ATF6: variants seen among roughly 807,000 people sequenced by gnomAD.
ATF6 encodes activating transcription factor 6, also known as cyclic AMP-dependent transcription factor ATF-6 alpha.
A neutral mutation model predicts 83.6 loss-of-function variants in ATF6; 53 were observed. The observed-to-expected ratio is 0.63, with a 90% confidence interval of 0.51 to 0.80. The LOEUF is 0.80. ATF6 is among the 30% of genes least tolerant of loss of function. ATF6 has a pLI of 0.00. For missense variants in ATF6, 744 were observed against 797.9 expected, an observed-to-expected ratio of 0.93 and a Z score of 0.81; for synonymous variants, 288 against 285.8, an observed-to-expected ratio of 1.01 and a Z score of -0.08.
rs555868722 is a variant in ATF6 at position 161,777,566 on chromosome 1, T to C, written c.83-678T>C. Among the ~76,000 whole-genome samples, 17 of 152,348 alleles carry C rather than the reference T, an allele frequency of 1.1e-4. No homozygotes were observed. The South Asian group carries it at 3.3e-3, about 30-fold the overall frequency. On this transcript the variant is annotated intron_variant, in intron 1 of 15. Coordinates refer to ENST00000367942, the MANE Select transcript of ATF6 (RefSeq NM_007348.4). Reference sequence around the variant, plus strand: ...GAAAGTGTCAGAGGAAATAGGAACTTCATAGATTCTATGGTGAGGAGCCTT... The same window carrying C: ...GAAAGTGTCAGAGGAAATAGGAACTCCATAGATTCTATGGTGAGGAGCCTT...
intron 15 of ATF6, among the ~76,000 whole-genome samples, chr1:161,923,135 C>A (rs924832488): frequency 1.4e-4 from 22 of 152,264 alleles, no homozygotes; most frequent in Middle Eastern, 3.4e-3. Flanking sequence ...ATAGTCTTTC[C>A]TCCACTGAAC....
chr1:161,827,410 T>A (rs759327528), intron 9 of ATF6, among the ~76,000 whole-genome samples: 3 of 152,154 alleles, frequency 2.0e-5, no homozygotes, highest in Non-Finnish European at 4.4e-5. Context: ...ATGTTTTAAT[T>A]GGAAAATGCA....
chr1:161,886,700 C>T (rs902024015), intron 14 of ATF6, among the ~76,000 whole-genome samples: 1 of 152,158 alleles, frequency 6.6e-6, no homozygotes, highest in Non-Finnish European at 1.5e-5. Context: ...ACAGACACAT[C>T]ATTATGTGGT....
At chr1:161,805,533 G>A (rs545819736) in intron 7 of ATF6, among the ~76,000 whole-genome samples, 12 of 151,732 alleles carry the variant, frequency 7.9e-5, no homozygotes, top group African/African-American at 2.6e-4. Context: ...AAGTAAAGAA[G>A]CATTAGTCTG....
rs35619050 is a variant in ATF6, at chr1:161,829,189, C to CTTTTTTTTTTT, written c.1187+8043_1187+8053dup. Among the ~76,000 whole-genome samples, 306 of 72,586 alleles carry CTTTTTTTTTTT rather than the reference C, an allele frequency of 4.2e-3. 20 individuals carry two copies. Among genetic ancestry groups the CTTTTTTTTTTT allele is most frequent in the East Asian group, 0.027 (47 of 1,754 alleles). 47.6% of individuals were successfully genotyped at this position (72,586 alleles called of 152,430 possible). On this transcript the variant is annotated intron_variant, in intron 9 of 15. Coordinates refer to ENST00000367942, the MANE Select transcript of ATF6 (RefSeq NM_007348.4). ...ACTCCCACACAATCATAATGGGAGA[C>CTTTTTTTTTTT]TTTTTTTTTTTTTTTTTTTTTTTTT...
chr1:161,860,900 A>G (rs1686872670), intron 13 of ATF6, among the ~76,000 whole-genome samples: 1 of 152,140 alleles, frequency 6.6e-6, no homozygotes, highest in African/African-American at 2.4e-5. Flanking sequence ...CTTCAAAGGG[A>G]AATATAATAT....
intron 15 of ATF6, among the ~76,000 whole-genome samples, chr1:161,937,451 C>T (rs1252160207): frequency 6.6e-6 from 1 of 151,680 alleles, no homozygotes; most frequent in African/African-American, 2.4e-5. Context: ...ATATTTGTGT[C>T]CCATTAAAAT....
intron 15 of ATF6, among the ~76,000 whole-genome samples, chr1:161,935,376 G>GGAGA (rs988607039): frequency 4.6e-5 from 7 of 152,142 alleles, no homozygotes; most frequent in African/African-American, 1.7e-4. Flanking sequence ...AATAGGCCCT[G>GGAGA]GAGAGCTTCC....
chr1:161,820,089 A>G (rs1685715447), intron 8 of ATF6, among the ~76,000 whole-genome samples: 1 of 152,160 alleles, frequency 6.6e-6, no homozygotes, highest in Non-Finnish European at 1.5e-5. Context: ...GGCTAAGTGA[A>G]TCACACTGAG....
At chr1:161,851,290 C>T (rs1686622007) in intron 10 of ATF6, among the ~76,000 whole-genome samples, 1 of 151,062 alleles carries the variant, frequency 6.6e-6, no homozygotes, top group South Asian at 2.1e-4. Flanking sequence ...ACCTGTTTTA[C>T]AGATACTATC....
intron 14 of ATF6, among the ~76,000 whole-genome samples, chr1:161,877,565 A>T (rs2101854485): frequency 6.6e-6 from 1 of 152,174 alleles, no homozygotes; most frequent in South Asian, 2.1e-4. Flanking sequence ...GGTTTGGGAG[A>T]TTGGAAGGGG....
At chr1:161,936,600 T>C (rs1174132186) in intron 15 of ATF6, among the ~76,000 whole-genome samples, 1 of 152,238 alleles carries the variant, frequency 6.6e-6, no homozygotes, top group Non-Finnish European at 1.5e-5. Flanking sequence ...TGGAGTTTGC[T>C]CGTTTTCTTC....
At chr1:161,844,360 C>T (rs1349328410) in intron 9 of ATF6, among the ~76,000 whole-genome samples, 1 of 152,116 alleles carries the variant, frequency 6.6e-6, no homozygotes, top group Non-Finnish European at 1.5e-5. Flanking sequence ...TGTCTTTGGA[C>T]ATTAGAAGAA....
chr1:161,826,436 A>G (rs918515167), intron 9 of ATF6, among the ~76,000 whole-genome samples: 4 of 152,202 alleles, frequency 2.6e-5, no homozygotes, highest in Admixed American at 2.0e-4. Flanking sequence ...TCCCTATTTT[A>G]TCAAGAAGTG....
chr1:161,850,851 G>A (rs1220225271), intron 10 of ATF6, among the ~76,000 whole-genome samples: 1 of 152,134 alleles, frequency 6.6e-6, no homozygotes, highest in Non-Finnish European at 1.5e-5. Flanking sequence ...GATTAAGATT[G>A]CAGACTGAAG....
At chr1:161,924,201 A>T (rs976373609) in intron 15 of ATF6, among the ~76,000 whole-genome samples, 1 of 152,172 alleles carries the variant, frequency 6.6e-6, no homozygotes, top group Non-Finnish European at 1.5e-5. Flanking sequence ...ATTGGGGATC[A>T]TAACTTTCTG....
In ATF6 at chr1:161,816,920, A is replaced by G. The variant is rs187655462; in HGVS notation, c.910-2713A>G. Among the ~76,000 whole-genome samples, 67 of 152,336 alleles carry G rather than the reference A, an allele frequency of 4.4e-4. No individual in the cohort carries two copies. The South Asian group carries it at 5.8e-3, about 13-fold the overall frequency. ...ATATTTTATATTCAGATAGCTAAAG[A>G]TGGCTTGCTGAGATAAAACATTGGA... On this transcript the variant is annotated intron_variant, in intron 7 of 15. Coordinates refer to ENST00000367942, the MANE Select transcript of ATF6 (RefSeq NM_007348.4).
intron 7 of ATF6, among the ~76,000 whole-genome samples, chr1:161,814,867 GT>G (rs1685573988): frequency 6.6e-6 from 1 of 152,120 alleles, no homozygotes; most frequent in Non-Finnish European, 1.5e-5. Context: ...AACTATGTGT[GT>G]TTTTTAAGAA....
rs2101924937 is a variant in ATF6, at chr1:161,958,474, A to G, written c.1833A>G (p.Glu611=). 3 of 1,611,528 alleles carry G rather than the reference A, an allele frequency of 1.9e-6. No individual in the cohort carries two copies. The highest frequency in any genetic ancestry group is 2.5e-6 in the Non-Finnish European group (3 of 1,178,584). The stretch of plus-strand genomic sequence containing the variant: ...ATGTGATCAATGGGCAGGACTACGA[A>G]GTGATGATGCAGATTGACTGTCAGG... ...NENVINGQDY[E]VMMQIDCQVM... Residue 611 remains glutamate (E), a synonymous_variant, in exon 16 of 16, where the codon GAA becomes GAG. Coordinates refer to ENST00000367942, the MANE Select transcript of ATF6 (RefSeq NM_007348.4).
Sources: allele counts gnomAD v4.1 joint callset (sites outside exome capture counted in the v4.1 genomes callset), GRCh38; gene constraint gnomAD v4.1.1; transcripts MANE v1.5; gene names NCBI Gene and HGNC (gene_info 2026-07-23, HGNC 2026-07-21).